FIG4: variants seen among roughly 807,000 people sequenced by gnomAD.
FIG4 encodes the protein FIG4 phosphoinositide 5-phosphatase, also known as polyphosphoinositide phosphatase.
FIG4 carries 112 observed loss-of-function variants against 118.6 expected under a neutral mutation model. The observed-to-expected ratio is 0.94, with a 90% CI of 0.81 to 1.11. The LOEUF is 1.11. Ranked by LOEUF, FIG4 falls within the 50% of genes least tolerant of loss-of-function variation. The pLI is 0.00. For synonymous variants in FIG4, 369 were observed against 381.2 expected, an observed-to-expected ratio of 0.97 and a Z score of 0.37; for missense variants, 969 against 1,111.7, an observed-to-expected ratio of 0.87 and a Z score of 1.83.
chr6:109,795,095 G>GTTTTTTTTTTTTTTTTT lies in FIG4; in HGVS notation c.2460-1646_2460-1630dup, dbSNP rs571649446. The stretch of plus-strand genomic sequence containing the variant: ...TCCTCAAAGCTTCATACACTTGCCA[G>GTTTTTTTTTTTTTTTTT]TTTTTTTTTTTTTTTTTTTTTTTTT... On this transcript the variant is annotated intron_variant, in intron 21 of 22. Transcript: ENST00000230124. Among the ~76,000 whole-genome samples, 36 of 57,248 alleles carry GTTTTTTTTTTTTTTTTT rather than the reference G, an allele frequency of 6.3e-4. 14 individuals are homozygous for GTTTTTTTTTTTTTTTTT. The highest frequency in any genetic ancestry group is 1.0e-3 in the Non-Finnish European group (30 of 28,708). 37.6% of individuals were successfully genotyped at this position (57,248 alleles called of 152,430 possible).
At position 109,712,616 on chromosome 6, in the gene FIG4, G is replaced by A. The variant is rs528507586; in HGVS notation, c.67-2462G>A. ...CAGGTCAGAAATGTTCTCTATGCTG[G>A]CTATTTTGTCTGTCATGTTTTATCA... is the stretch of plus-strand genomic sequence containing the variant. On this transcript the variant is annotated intron_variant, in intron 1 of 22. Transcript: ENST00000230124. 6.6e-5 allele frequency among the ~76,000 whole-genome samples: 10 copies of A among 152,186 alleles called. No homozygotes were observed. In the South Asian group the frequency reaches 2.1e-3, roughly 32 times the overall value.
chr6:109,812,501 G>A (rs9374125), intron 22 of FIG4, among the ~76,000 whole-genome samples: 63,749 of 152,030 alleles, frequency 0.42, 14,069 homozygotes, highest in East Asian at 0.72. Flanking sequence ...GGACAAGGAT[G>A]TAAGCAAAGA....
intron 1 of FIG4, among the ~76,000 whole-genome samples, chr6:109,703,276 T>G (rs1188560468): frequency 6.6e-6 from 1 of 152,176 alleles, no homozygotes; most frequent in South Asian, 2.1e-4. Flanking sequence ...GTTACTCTGT[T>G]CTTGATCTTT....
chr6:109,817,350 G>T (rs770631800), intron 22 of FIG4, among the ~76,000 whole-genome samples: 1 of 152,152 alleles, frequency 6.6e-6, no homozygotes, highest in Non-Finnish European at 1.5e-5. Context: ...GATAATAAAC[G>T]CAGCTGAAAC....
chr6:109,767,353 A>C (rs541413723), intron 15 of FIG4, among the ~76,000 whole-genome samples: 1 of 152,304 alleles, frequency 6.6e-6, no homozygotes, highest in East Asian at 1.9e-4. Flanking sequence ...CTGTTTTATG[A>C]CTTGTGAATA....
At chr6:109,748,615 G>T (rs1455523604) in intron 10 of FIG4, among the ~76,000 whole-genome samples, 1 of 152,162 alleles carries the variant, frequency 6.6e-6, no homozygotes, top group Non-Finnish European at 1.5e-5. Flanking sequence ...CAGTGTATTA[G>T]TCTGTTTGCA....
intron 1 of FIG4, among the ~76,000 whole-genome samples, chr6:109,699,493 T>G (rs1468103402): frequency 6.6e-6 from 1 of 151,310 alleles, no homozygotes; most frequent in African/African-American, 2.4e-5. Flanking sequence ...GGTTTTTTTT[T>G]GTTTGTTTTT....
At chr6:109,705,118 C>A (rs1775024358) in intron 1 of FIG4, among the ~76,000 whole-genome samples, 1 of 151,920 alleles carries the variant, frequency 6.6e-6, no homozygotes, top group African/African-American at 2.4e-5. Flanking sequence ...GGAAAAAAAT[C>A]AACAGTGGAG....
chr6:109,815,553 C>A (rs1457126452), intron 22 of FIG4, among the ~76,000 whole-genome samples: 2 of 139,978 alleles, frequency 1.4e-5, no homozygotes, highest in African/African-American at 2.7e-5. Context: ...GTACCACCAT[C>A]CCCCAGACTG....
At chr6:109,807,145 A>AAATGGCATTTCTGGTTCT (rs1778586922) in intron 22 of FIG4, among the ~76,000 whole-genome samples, 1 of 152,240 alleles carries the variant, frequency 6.6e-6, no homozygotes, top group African/African-American at 2.4e-5. Flanking sequence ...TTGCTGGGTC[A>AAATGGCATTTCTGGTTCT]AATGGCATTT....
chr6:109,731,440 G>A (rs937806821), intron 4 of FIG4, among the ~76,000 whole-genome samples: 1 of 152,094 alleles, frequency 6.6e-6, no homozygotes, highest in Non-Finnish European at 1.5e-5. Context: ...AGAACCTAAT[G>A]GTCTATCAGC....
chr6:109,725,419 C>A (rs9386839), intron 3 of FIG4, among the ~76,000 whole-genome samples: 24,751 of 152,044 alleles, frequency 0.16, 3,649 homozygotes, highest in African/African-American at 0.38. Flanking sequence ...CATGTCCCTG[C>A]AAAGGACATG....
chr6:109,748,819 G>A (rs11153216), intron 10 of FIG4, among the ~76,000 whole-genome samples: 49,411 of 151,918 alleles, frequency 0.33, 8,569 homozygotes, highest in South Asian at 0.45. Flanking sequence ...ATCACCTCTC[G>A]TGAGACTTAT....
intron 22 of FIG4, among the ~76,000 whole-genome samples, chr6:109,808,413 T>C (rs1778631938): frequency 6.7e-6 from 1 of 148,820 alleles, no homozygotes; most frequent in African/African-American, 2.5e-5. Flanking sequence ...TATTAAGTCA[T>C]GACAAAGCAG....
chr6:109,765,047 T>C lies in FIG4; in HGVS notation c.1469T>C (p.Leu490Ser). Residue 490 changes from leucine to serine, a missense_variant, in exon 14 of 23, where the codon TTA becomes TCA. By Grantham distance (145) the Leu-to-Ser change is moderately radical. This residue lies in a region of FIG4 where 246 missense variants were observed against 354.3 expected (regional missense o/e 0.69). Transcript: ENST00000230124. Reference protein sequence around the residue: ...GILRTNCVDCLDRTNTAQFMV... With the variant: ...GILRTNCVDCSDRTNTAQFMV... ...CTTCGAACCAACTGTGTGGACTGTTTAGATCGCACCAACACAGCACAGTTT... is the reference window on the plus strand; with the variant it reads ...CTTCGAACCAACTGTGTGGACTGTTCAGATCGCACCAACACAGCACAGTTT... The C allele has an allele frequency of 6.2e-7, 1 of 1,614,036 alleles. No individual in the cohort carries two copies. Among genetic ancestry groups the C allele is most frequent in the Admixed American group, 1.7e-5 (1 of 60,030 alleles).
intron 22 of FIG4, among the ~76,000 whole-genome samples, chr6:109,801,621 G>C (rs746017801): frequency 6.6e-6 from 1 of 152,110 alleles, no homozygotes; most frequent in Non-Finnish European, 1.5e-5. Context: ...AGAATCTCTC[G>C]TAAAAAGTGG....
rs138376077 is a variant in FIG4, at chr6:109,738,408, C to T, written c.730C>T (p.Arg244Cys). Reference sequence around the variant, plus strand: ...GGATATAATTAAAAGTACTGTGCATCGTGACTGGCTTTTGTATATTATTCA... The same window carrying T: ...GGATATAATTAAAAGTACTGTGCATTGTGACTGGCTTTTGTATATTATTCA... ...LLDIIKSTVHRDWLLYIIHGF... is the reference protein window; with the variant it reads ...LLDIIKSTVHCDWLLYIIHGF... Residue 244 changes from arginine (R) to cysteine (C), a missense_variant, in exon 7 of 23, where the codon CGT (arginine) becomes TGT (cysteine). Physicochemically the swap from Arg to Cys is radical, Grantham distance 180. Around this residue, in one of 3 missense-constraint regions of FIG4, gnomAD observed 393 missense variants for 409.4 expected, o/e 0.96. Coordinates refer to ENST00000230124, the MANE Select transcript of FIG4 (RefSeq NM_014845.6). 119 of 1,612,416 alleles carry T rather than the reference C, an allele frequency of 7.4e-5. No individual in the cohort carries two copies. The African/African-American group carries it at 1.1e-3, about 14-fold the overall frequency.
At position 109,791,589 on chromosome 6, in the gene FIG4, C is replaced by T; in HGVS notation, c.2376+18C>T. 6.2e-7 allele frequency: 1 copy of T among 1,611,008 alleles called. No individual in the cohort carries two copies. Among genetic ancestry groups the T allele is most frequent in the Non-Finnish European group, 8.5e-7 (1 of 1,177,608 alleles). ...TGACCGAGGTGCGGGGGAGGGAAGC[C>T]TGTGGCATCCAGCCTGAAGCCCTGG... On this transcript the variant is annotated intron_variant, in intron 20 of 22. Coordinates refer to ENST00000230124, the MANE Select transcript of FIG4 (RefSeq NM_014845.6).
intron 1 of FIG4, among the ~76,000 whole-genome samples, chr6:109,709,311 A>G (rs538064259): frequency 6.6e-6 from 1 of 152,118 alleles, no homozygotes; most frequent in Non-Finnish European, 1.5e-5. Flanking sequence ...ATTCTGTTCT[A>G]TTGGTCTGCG....
Sources: gnomAD v4.1 joint callset for allele counts (sites outside exome capture counted in the v4.1 genomes callset) on GRCh38, gnomAD v4.1.1 for gene constraint, gnomAD v4.1.1 regional missense constraint, MANE v1.5 for transcripts, NCBI Gene and HGNC (gene_info 2026-07-23, HGNC 2026-07-21) for gene names.